SCN1A: variants seen among roughly 807,000 people sequenced by gnomAD.
SCN1A encodes sodium channel protein type 1 subunit alpha.
A neutral mutation model predicts 193.7 loss-of-function variants in SCN1A; 13 were observed. That is an observed-to-expected ratio of 0.07 (90% CI 0.04 to 0.11). The LOEUF (loss-of-function observed/expected upper bound fraction) is 0.11. Ranked by LOEUF, SCN1A falls within the 10% of genes least tolerant of loss-of-function variation. The probability of loss-of-function intolerance (pLI) is 1.00; values close to 1 mark genes in which losing one functional copy is unlikely to be tolerated. For synonymous variants in SCN1A, 781 were observed against 843.6 expected, an observed-to-expected ratio of 0.93 and a Z score of 1.29; for missense variants, 1,432 against 2,451.1, an observed-to-expected ratio of 0.58 and a Z score of 8.78.
intron 2 of SCN1A, among the ~76,000 whole-genome samples, chr2:166,082,023 G>A (rs957392023): frequency 6.6e-6 from 1 of 151,980 alleles, no homozygotes; most frequent in Non-Finnish European, 1.5e-5. Flanking sequence ...GTGGAACAGT[G>A]TTAGTCTATA....
In SCN1A at chr2:165,990,259, A is replaced by T. The variant is rs1181195842; in HGVS notation, c.*986T>A. The T allele has an allele frequency of 6.6e-6, 1 of 152,620 alleles. No individual in the cohort carries two copies. Among genetic ancestry groups the T allele is most frequent in the African/African-American group, 2.4e-5 (1 of 41,450 alleles). 9.5% of individuals were successfully genotyped at this position (152,620 alleles called of 1,614,324 possible). A position where few individuals can be genotyped will look rare whatever the true frequency, so the allele number is the denominator to read the frequency against. ...CAAACGTGCACCACAGGGTAAAATG[A>T]CTATTTACATAATAAATAGCATTTC... On this transcript the variant is annotated 3_prime_UTR_variant, in exon 29 of 29. Transcript: ENST00000674923.
chr2:166,145,830 G>A (rs1244877874), intron 1 of SCN1A, among the ~76,000 whole-genome samples: 1 of 152,090 alleles, frequency 6.6e-6, no homozygotes. Flanking sequence ...CTAAATTGAA[G>A]GCCCTTTATC....
intron 2 of SCN1A, among the ~76,000 whole-genome samples, chr2:166,103,410 C>T (rs1688342450): frequency 1.3e-5 from 2 of 151,414 alleles, no homozygotes; most frequent in South Asian, 2.1e-4. Flanking sequence ...GAGTTCGCAC[C>T]GCTGCACTCC....
At chr2:166,042,123 T>C (rs906099116) in intron 15 of SCN1A, among the ~76,000 whole-genome samples, 169 bp downstream of exon 15, 1 of 152,188 alleles carries the variant, frequency 6.6e-6, no homozygotes, top group Non-Finnish European at 1.5e-5. Context: ...TTAAAATAAA[T>C]TGTTAAGGCT....
At chr2:166,103,386 G>A (rs1688337388) in intron 2 of SCN1A, among the ~76,000 whole-genome samples, 1 of 151,920 alleles carries the variant, frequency 6.6e-6, no homozygotes, top group South Asian at 2.1e-4. Context: ...GGGAGGTGGA[G>A]GTTGCAGTGA....
intron 14 of SCN1A, among the ~76,000 whole-genome samples, chr2:166,042,976 A>C (rs1697353311): frequency 6.6e-6 from 1 of 152,208 alleles, no homozygotes; most frequent in African/African-American, 2.4e-5. Context: ...TAAGTCATCT[A>C]ATTCTGACTT....
chr2:166,009,150 T>C (rs1050199366), intron 23 of SCN1A, among the ~76,000 whole-genome samples: 18 of 151,242 alleles, frequency 1.2e-4, no homozygotes, highest in South Asian at 2.1e-4. Flanking sequence ...TTGTATGTAA[T>C]CTTTAAGTTA....
chr2:166,001,283 C>A (rs1385929480), intron 24 of SCN1A, among the ~76,000 whole-genome samples: 1 of 151,620 alleles, frequency 6.6e-6, no homozygotes, highest in Non-Finnish European at 1.5e-5. Context: ...CCACCATGCC[C>A]CACCCGTTCT....
intron 24 of SCN1A, among the ~76,000 whole-genome samples, chr2:166,001,412 C>T (rs995625655): frequency 6.6e-6 from 1 of 151,776 alleles, no homozygotes; most frequent in Non-Finnish European, 1.5e-5. Context: ...GTAAAGTAAT[C>T]ATAGTTGACA....
intron 19 of SCN1A, among the ~76,000 whole-genome samples, chr2:166,025,336 C>G (rs1032297065): frequency 6.6e-6 from 1 of 152,170 alleles, no homozygotes; most frequent in African/African-American, 2.4e-5. Flanking sequence ...GGCCCAGAAC[C>G]ACTCTCAGCA....
intron 23 of SCN1A, among the ~76,000 whole-genome samples, chr2:166,008,518 T>G (rs1055999431): frequency 2.6e-5 from 4 of 151,136 alleles, no homozygotes; most frequent in Non-Finnish European, 4.5e-5. Flanking sequence ...ACCCCAGAGA[T>G]AATTTCTGTT....
rs1191091069 is a variant in SCN1A, at chr2:166,045,126, C to T, written c.1579G>A (p.Asp527Asn). ...EDEFQKSESE[D>N]SIRRKGFRFS... ...CGAAAACCTTTCCTCCTGATGCTGT[C>T]CTCAGATTCAGATTTTTGGAATTCA... The change falls in exon 13 of 29, where the codon GAC (aspartate) becomes AAC (asparagine). Residue 527 changes from aspartate (D) to asparagine (N), a missense_variant. This residue lies in a region of SCN1A where 316 missense variants were observed against 362.1 expected (regional missense o/e 0.87). Transcript: ENST00000674923. 2 of 1,614,012 alleles carry T rather than the reference C, an allele frequency of 1.2e-6. No homozygotes were observed. The highest frequency in any genetic ancestry group is 1.7e-5 in the Admixed American group (1 of 59,998).
chr2:166,131,343 G>A (rs1242992805), upstream of SCN1A, among the ~76,000 whole-genome samples: 1 of 151,720 alleles, frequency 6.6e-6, no homozygotes, highest in Non-Finnish European at 1.5e-5. Context: ...AAGGAAAAGA[G>A]AATGAAGGCG....
chr2:166,080,082 G>C (rs73969797), intron 2 of SCN1A, among the ~76,000 whole-genome samples: 11,672 of 151,378 alleles, frequency 0.077, 1,218 homozygotes, highest in African/African-American at 0.24. Context: ...TTTGAAATCT[G>C]TACTTATTCT....
chr2:166,038,016 G>A lies in SCN1A; in HGVS notation c.2706C>T (p.Phe902=). 6.2e-7 allele frequency: 1 copy of A among 1,614,244 alleles called. No homozygotes were observed. Among genetic ancestry groups the A allele is most frequent in the Non-Finnish European group, 8.5e-7 (1 of 1,180,050 alleles). The part of the protein sequence containing the change: ...NLTLVLAIIV[F]IFAVVGMQLF... Reference sequence around the variant, plus strand: ...GCTGCATGCCGACCACGGCAAAAATGAAGACGATGATGGCCAAGACGAGGG... The same window carrying A: ...GCTGCATGCCGACCACGGCAAAAATAAAGACGATGATGGCCAAGACGAGGG... Residue 902 remains phenylalanine (F), a synonymous_variant, in exon 18 of 29, where the codon TTC becomes TTT. Coordinates refer to ENST00000674923, the MANE Select transcript of SCN1A (RefSeq NM_001165963.4).
At chr2:166,130,086 T>C (rs765187382), upstream of SCN1A, among the ~76,000 whole-genome samples, 9 of 152,160 alleles carry the variant, frequency 5.9e-5, no homozygotes, top group Non-Finnish European at 1.0e-4. Context: ...TGTTTCCATC[T>C]CCAGTCTACT....
At chr2:166,140,015 T>C (rs1429223498) in intron 1 of SCN1A, among the ~76,000 whole-genome samples, 1 of 152,196 alleles carries the variant, frequency 6.6e-6, no homozygotes, top group African/African-American at 2.4e-5. Flanking sequence ...ACTTAATATA[T>C]TTTGGGACCT....
chr2:166,014,599 A>G (rs1374230391), intron 20 of SCN1A, among the ~76,000 whole-genome samples: 1 of 150,902 alleles, frequency 6.6e-6, no homozygotes, highest in East Asian at 1.9e-4. Flanking sequence ...TTTCAAAAAA[A>G]AAAAAAAGAA....
chr2:166,002,673 G>A lies in SCN1A; in HGVS notation c.4083C>T (p.Phe1361=). The change falls in exon 24 of 29, where the codon TTC becomes TTT. Residue 1361 remains phenylalanine, a synonymous_variant. Coordinates refer to ENST00000674923, the MANE Select transcript of SCN1A (RefSeq NM_001165963.4). The part of the protein sequence containing the change: ...LLVCLIFWLI[F]SIMGVNLFAG... The stretch of plus-strand genomic sequence containing the variant: ...CAAACAAATTTACGCCCATGATGCT[G>A]AAAATTAGCCAGAATATAAGACAAA... 6.2e-7 allele frequency: 1 copy of A among 1,611,728 alleles called. No homozygotes were observed. The highest frequency in any genetic ancestry group is 8.5e-7 in the Non-Finnish European group (1 of 1,178,654).
Sources: gnomAD v4.1 joint callset for allele counts (sites outside exome capture counted in the v4.1 genomes callset) on GRCh38, gnomAD v4.1.1 for gene constraint, gnomAD v4.1.1 regional missense constraint, MANE v1.5 for transcripts, NCBI Gene and HGNC (gene_info 2026-07-23, HGNC 2026-07-21) for gene names.